GRK1: variants seen among roughly 807,000 people sequenced by gnomAD.
The protein encoded by GRK1 is G protein-coupled receptor kinase 1.
Under a neutral mutation model 41.7 loss-of-function variants are expected in GRK1, and 28 were observed. The observed-to-expected ratio is 0.67, with a 90% CI of 0.50 to 0.92. The LOEUF (loss-of-function observed/expected upper bound fraction) is 0.92. GRK1 is among the 40% of genes least tolerant of loss of function. GRK1 has a pLI of 0.00. For synonymous variants in GRK1, 327 were observed against 286.7 expected, an observed-to-expected ratio of 1.14 and a Z score of -1.42; for missense variants, 703 against 671.2, an observed-to-expected ratio of 1.05 and a Z score of -0.52.
chr13:113,733,830 T>TGC (rs2049969721), intron 6 of GRK1, among the ~76,000 whole-genome samples: 1 of 135,166 alleles, frequency 7.4e-6, no homozygotes, highest in African/African-American at 2.9e-5. Flanking sequence ...TGCGTGTGTG[T>TGC]GCACGTGCGT....
At chr13:113,648,573 T>C in the GRK1 span, among the ~76,000 whole-genome samples, 3 of 152,204 alleles carry the variant, frequency 2.0e-5, no homozygotes, top group Non-Finnish European at 4.4e-5. Flanking sequence ...TCATTTCAGT[T>C]TTTTGAAAGG....
intron 1 of GRK1, among the ~76,000 whole-genome samples, chr13:113,668,380 G>A (rs1345683340): frequency 1.3e-5 from 2 of 152,220 alleles, no homozygotes; most frequent in Non-Finnish European, 2.9e-5. Flanking sequence ...AAGTGTGGGG[G>A]AAAGAGGACC....
At chr13:113,665,048 G>T (rs570133833), upstream of GRK1, among the ~76,000 whole-genome samples, 1 of 152,160 alleles carries the variant, frequency 6.6e-6, no homozygotes, top group African/African-American at 2.4e-5. Flanking sequence ...CCCTCGCTTC[G>T]GCCTCTGTAG....
chr13:113,654,754 G>A, the GRK1 span: 2 of 1,577,108 alleles, frequency 1.3e-6, no homozygotes. Context: ...CGTCTCCAGA[G>A]CCGAGGAGGC....
chr13:113,656,852 A>G, the GRK1 span, among the ~76,000 whole-genome samples: 1 of 152,052 alleles, frequency 6.6e-6, no homozygotes, highest in Admixed American at 6.6e-5. Flanking sequence ...AGAATGGCCC[A>G]AAAGATGGGG....
At chr13:113,723,783 CGT>C (rs1029098139) in intron 4 of GRK1, among the ~76,000 whole-genome samples, 29 of 151,138 alleles carry the variant, frequency 1.9e-4, no homozygotes, top group South Asian at 6.3e-4. Flanking sequence ...TGTGCACACA[CGT>C]GTGTCTGTGT....
Position 113,725,187 on chromosome 13 carries a change from C to A in GRK1, c.1069+2030C>A, listed in dbSNP as rs568216572. On this transcript the variant is annotated intron_variant, in intron 4 of 6. Coordinates refer to ENST00000335678, the MANE Select transcript of GRK1 (RefSeq NM_002929.3). ...GCACCCTCGCGCCCTCCCACGCGCC[C>A]CCCACGCAGCGAGAGACACCACAGC... is the stretch of plus-strand genomic sequence containing the variant. 9.3e-4 allele frequency among the ~76,000 whole-genome samples: 142 copies of A among 152,374 alleles called. 1 individual carries two copies. Among genetic ancestry groups the A allele is most frequent in the Non-Finnish European group, 1.6e-3 (110 of 68,032 alleles).
the GRK1 span, chr13:113,654,782 C>T: frequency 7.9e-5 from 127 of 1,606,688 alleles, 4 homozygotes; most frequent in Middle Eastern, 0.01. Flanking sequence ...TGGCCTGTCA[C>T]ACGGCATGGG....
chr13:113,733,281 C>T (rs1005948552), intron 6 of GRK1, among the ~76,000 whole-genome samples, 196 bp downstream of exon 6: 14 of 152,210 alleles, frequency 9.2e-5, no homozygotes, highest in Non-Finnish European at 1.0e-4. Context: ...GAGCCGGCAT[C>T]GGGCCAGAGG....
intron 4 of GRK1, among the ~76,000 whole-genome samples, chr13:113,723,929 CAT>C (rs536086729): frequency 2.0e-3 from 299 of 150,230 alleles, no homozygotes; most frequent in African/African-American, 2.7e-3. Context: ...TTTGTGCACA[CAT>C]GTGTATCCGT....
At position 113,735,854 on chromosome 13, in the gene GRK1, C is replaced by G. The variant is rs972166838; in HGVS notation, c.*491C>G. ...CCCACTGGGGAGGGCTGGACCTCGCCCCCCCCAGGTCCCTCTGTGCAGGCT... is the reference window on the plus strand; with the variant it reads ...CCCACTGGGGAGGGCTGGACCTCGCGCCCCCCAGGTCCCTCTGTGCAGGCT... On this transcript the variant is annotated 3_prime_UTR_variant, in exon 7 of 7. Transcript: ENST00000335678. 1 of 152,886 alleles carries G rather than the reference C, an allele frequency of 6.5e-6. No individual in the cohort carries two copies. The highest frequency in any genetic ancestry group is 1.5e-5 in the Non-Finnish European group (1 of 68,606). The allele number at this position is 152,886 out of a possible 1,614,324, so 9.5% of individuals were successfully genotyped here.
At chr13:113,730,073 C>G (rs1247600530) in intron 4 of GRK1, among the ~76,000 whole-genome samples, 1 of 134,100 alleles carries the variant, frequency 7.5e-6, no homozygotes, top group Non-Finnish European at 1.6e-5. Flanking sequence ...ACACAGTCCC[C>G]CAGTCCCCGT....
intron 6 of GRK1, 73 bp from the exon 7 acceptor site, chr13:113,734,995 G>A (rs2049991935): frequency 7.2e-7 from 1 of 1,387,032 alleles, no homozygotes; most frequent in African/African-American, 1.5e-5. Context: ...CATGGGGGAG[G>A]GGGCTTTTTG....
the GRK1 span, chr13:113,649,358 C>T: frequency 1.3e-6 from 2 of 1,586,216 alleles, no homozygotes; most frequent in Non-Finnish European, 1.7e-6. This position sits in a 1 kb window ranked among gnomAD's most constrained non-coding sequence, Gnocchi z 4.7. Context: ...TGCCCAGGAC[C>T]CCTGCGCAAA....
At chr13:113,665,361 C>T (rs145850442), upstream of GRK1, among the ~76,000 whole-genome samples, 658 of 151,680 alleles carry the variant, frequency 4.3e-3, 9 homozygotes, top group African/African-American at 0.014. Flanking sequence ...CAGGTGTGTC[C>T]GAGGTATGCC....
chr13:113,659,850 A>G, the GRK1 span, among the ~76,000 whole-genome samples: 1 of 152,098 alleles, frequency 6.6e-6, no homozygotes, highest in Non-Finnish European at 1.5e-5. Context: ...TTGTTCACAG[A>G]CTGTGGCCCT....
chr13:113,668,021 C>T lies in GRK1; in HGVS notation c.635C>T (p.Thr212Ile), dbSNP rs896087599. ...GEVSACQMKA[T>I]GKLYACKKLN... is the part of the protein sequence containing the mutation. ...GTGTCGGCCTGCCAGATGAAGGCGACCGGCAAGCTGTATGCCTGCAAGAAG... is the reference window on the plus strand; with the variant it reads ...GTGTCGGCCTGCCAGATGAAGGCGATCGGCAAGCTGTATGCCTGCAAGAAG... The change falls in exon 1 of 7, where the codon ACC (threonine) becomes ATC (isoleucine). Residue 212 changes from threonine to isoleucine, a missense_variant. Thr to Ile is a moderately conservative substitution (Grantham distance 89). Coordinates refer to ENST00000335678, the MANE Select transcript of GRK1 (RefSeq NM_002929.3). 2 of 1,611,682 alleles carry T rather than the reference C, an allele frequency of 1.2e-6. No homozygotes were observed. Among genetic ancestry groups the T allele is most frequent in the South Asian group, 2.2e-5 (2 of 90,696 alleles).
intron 1 of GRK1, 28 bp from the exon 2 acceptor site, chr13:113,669,659 A>G: frequency 1.2e-6 from 2 of 1,613,620 alleles, no homozygotes; most frequent in Non-Finnish European, 1.7e-6. Context: ...ATTCAAAGCC[A>G]GTGCGTACTC....
At chr13:113,653,379 G>A in the GRK1 span, 13 of 1,614,218 alleles carry the variant, frequency 8.1e-6, no homozygotes, top group Middle Eastern at 1.7e-4. Context: ...TATCAGAGAC[G>A]TTGTAGACAA....
Sources: gnomAD v4.1 joint callset for allele counts (sites outside exome capture counted in the v4.1 genomes callset) on GRCh38, gnomAD v4.1.1 for gene constraint, Gnocchi (gnomAD v3.1) non-coding constraint, MANE v1.5 for transcripts, NCBI Gene and HGNC (gene_info 2026-07-23, HGNC 2026-07-21) for gene names.